Variants in CFAP100 observed in about 807,000 individuals in gnomAD.
CFAP100 encodes the protein cilia- and flagella-associated protein 100.
In CFAP100, 70 loss-of-function variants were observed where a neutral mutation model predicts 81.5. That is an observed-to-expected ratio of 0.86 (90% CI 0.71 to 1.05). The LOEUF is 1.05. Ranked by LOEUF, CFAP100 falls within the 50% of genes least tolerant of loss-of-function variation. The pLI is 0.00. For missense variants in CFAP100, 811 were observed against 776.5 expected (o/e 1.04, Z -0.53); for synonymous variants, 341 against 314.8 (o/e 1.08, Z -0.88).
intron 3 of CFAP100, among the ~76,000 whole-genome samples, chr3:126,408,271 G>T (rs1459942561): frequency 1.3e-5 from 2 of 152,054 alleles, no homozygotes; most frequent in Non-Finnish European, 2.9e-5. Context: ...CTCAACAATA[G>T]GGGTGTTTCC....
At chr3:126,403,664 T>C (rs1422477332) in intron 2 of CFAP100, among the ~76,000 whole-genome samples, 3 of 152,152 alleles carry the variant, frequency 2.0e-5, no homozygotes, top group Non-Finnish European at 2.9e-5. Flanking sequence ...ATTACAGGCG[T>C]AAACCACCGC....
chr3:126,423,793 C>T, intron 13 of CFAP100, 149 bp downstream of exon 13: 3 of 1,018,110 alleles, frequency 2.9e-6, no homozygotes, highest in South Asian at 1.6e-5. Flanking sequence ...AGCGAAGCTC[C>T]GTTTGTGGGC....
chr3:126,415,076 T>C (rs564502391), intron 4 of CFAP100, among the ~76,000 whole-genome samples: 9 of 152,178 alleles, frequency 5.9e-5, no homozygotes, highest in Non-Finnish European at 1.3e-4. Flanking sequence ...GACCCACGCC[T>C]TGGCCACCCT....
At chr3:126,395,427 A>G (rs2082873656) in intron 1 of CFAP100, 1 of 152,350 alleles carries the variant, frequency 6.6e-6, no homozygotes, top group Non-Finnish European at 1.5e-5. Flanking sequence ...AGAAGTGCCA[A>G]GGGTATGTCA....
chr3:126,419,788 A>G lies in CFAP100; in HGVS notation c.883A>G (p.Ser295Gly). The G allele has an allele frequency of 6.2e-7, 1 of 1,613,960 alleles. No homozygotes were observed. Among genetic ancestry groups the G allele is most frequent in the South Asian group, 1.1e-5 (1 of 91,082 alleles). ...GGAGGTCTCCGAGGCTTCCAAAGAG[A>G]GCAGTGTTAACTCCACACCAGGGGA... ...AKEVSEASKE[S>G]SVNSTPGDKG... The change falls in exon 9 of 17, where the codon AGC becomes GGC. Residue 295 changes from serine to glycine, a missense_variant. Ser to Gly is a moderately conservative substitution (Grantham distance 56). Transcript: ENST00000352312.
chr3:126,402,300 G>T (rs936977361), intron 2 of CFAP100, among the ~76,000 whole-genome samples: 5 of 152,206 alleles, frequency 3.3e-5, no homozygotes, highest in African/African-American at 1.2e-4. Flanking sequence ...GGAGATGACT[G>T]TCACTGGAGA....
chr3:126,402,918 G>A (rs1281383956), intron 2 of CFAP100, among the ~76,000 whole-genome samples: 1 of 152,064 alleles, frequency 6.6e-6, no homozygotes, highest in African/African-American at 2.4e-5. Flanking sequence ...GGCAGGGGCG[G>A]ATGGGTCCAG....
chr3:126,414,102 T>G lies in CFAP100; in HGVS notation c.148T>G (p.Ser50Ala). Residue 50 changes from serine to alanine, a missense_variant, in exon 4 of 17, where the codon TCA becomes GCA. Ser to Ala is a moderately conservative substitution (Grantham distance 99, BLOSUM62 1). Coordinates refer to ENST00000352312, the MANE Select transcript of CFAP100 (RefSeq NM_182628.3). ...CTTTCCAGAACATGGTCCTGACCCT[T>G]CAGCGAACCCTTTCCACTTATCTGG... is the stretch of plus-strand genomic sequence containing the variant. ...RKNEEHGPDP[S>A]ANPFHLSGDV... is the part of the protein sequence containing the mutation. 6.2e-7 allele frequency: 1 copy of G among 1,613,902 alleles called. No individual in the cohort carries two copies.
chr3:126,401,220 G>C (rs1421121316), intron 2 of CFAP100, among the ~76,000 whole-genome samples: 3 of 151,684 alleles, frequency 2.0e-5, no homozygotes, highest in Non-Finnish European at 4.4e-5. Context: ...CAGAGTTTCA[G>C]TTTGGGATGA....
chr3:126,416,476 A>C lies in CFAP100; in HGVS notation c.386A>C (p.Asp129Ala). Residue 129 changes from aspartate to alanine, a missense_variant, in exon 5 of 17, where the codon GAC becomes GCC. Coordinates refer to ENST00000352312, the MANE Select transcript of CFAP100 (RefSeq NM_182628.3). ...GCCGAGCATCAGCGCGCCTTCCGCG[A>C]CTACACGACCTGGAAGCTCACCTTG... Reference protein sequence around the residue: ...AEAEHQRAFRDYTTWKLTLTK... With the variant: ...AEAEHQRAFRAYTTWKLTLTK... The C allele has an allele frequency of 3.7e-6, 6 of 1,603,852 alleles. No individual in the cohort carries two copies. Among genetic ancestry groups the C allele is most frequent in the Non-Finnish European group, 5.1e-6 (6 of 1,175,320 alleles).
chr3:126,435,529 C>A, intron 15 of CFAP100, 30 bp from the exon 16 acceptor site: 1 of 1,590,020 alleles, frequency 6.3e-7, no homozygotes, highest in South Asian at 1.1e-5. Flanking sequence ...CAGGTCCCCC[C>A]AGTTTTCAAT....
At chr3:126,400,819 C>T (rs1262196835) in intron 2 of CFAP100, among the ~76,000 whole-genome samples, 1 of 152,088 alleles carries the variant, frequency 6.6e-6, no homozygotes, top group East Asian at 1.9e-4. Flanking sequence ...AACATATGAT[C>T]CAGCAATTCT....
At position 126,436,326 on chromosome 3, in the gene CFAP100, A is replaced by C. The variant is rs770200376; in HGVS notation, c.1758A>C (p.Pro586=). The change falls in exon 17 of 17, where the codon CCA becomes CCC. Residue 586 remains proline, a synonymous_variant. Coordinates refer to ENST00000352312, the MANE Select transcript of CFAP100 (RefSeq NM_182628.3). ...CACTGGTATGCCGCTCACGACCCCC[A>C]GCCCACAGGATCAAACAACAGTCTG... ...GRTLVCRSRP[P]AHRIKQQSEH... is the part of the protein sequence containing the mutation. 6 of 1,613,900 alleles carry C rather than the reference A, an allele frequency of 3.7e-6. No individual in the cohort carries two copies. Among genetic ancestry groups the C allele is most frequent in the South Asian group, 1.1e-5 (1 of 91,074 alleles).
chr3:126,431,284 G>A (rs900527831), intron 13 of CFAP100, among the ~76,000 whole-genome samples: 14 of 152,128 alleles, frequency 9.2e-5, no homozygotes, highest in African/African-American at 3.1e-4. Context: ...AGCTGCCCTC[G>A]AGGTGATCCA....
chr3:126,436,466 A>C lies in CFAP100; in HGVS notation c.*62A>C. On this transcript the variant is annotated 3_prime_UTR_variant, in exon 17 of 17. Coordinates refer to ENST00000352312, the MANE Select transcript of CFAP100 (RefSeq NM_182628.3). ...GCAAAGATGTTGGCAGAGGAAGCAGAGACTGGGCTGGGTCTCGAGTGGCCC... is the reference window on the plus strand; with the variant it reads ...GCAAAGATGTTGGCAGAGGAAGCAGCGACTGGGCTGGGTCTCGAGTGGCCC... 1.5e-6 allele frequency: 2 copies of C among 1,346,940 alleles called. No individual in the cohort carries two copies. The highest frequency in any genetic ancestry group is 2.1e-6 in the Non-Finnish European group (2 of 955,840). 83.4% of individuals were successfully genotyped at this position (1,346,940 alleles called of 1,614,324 possible). A position where few individuals can be genotyped will look rare whatever the true frequency, so the allele number is the denominator to read the frequency against.
At chr3:126,408,372 G>A (rs894660933) in intron 3 of CFAP100, among the ~76,000 whole-genome samples, 9 of 152,170 alleles carry the variant, frequency 5.9e-5, no homozygotes, top group African/African-American at 1.4e-4. Flanking sequence ...AACATTTTCC[G>A]TAGAAGATTC....
At position 126,423,316 on chromosome 3, in the gene CFAP100, T is replaced by A; in HGVS notation, c.1083-9T>A. 6.2e-7 allele frequency: 1 copy of A among 1,612,018 alleles called. No individual in the cohort carries two copies. Among genetic ancestry groups the A allele is most frequent in the Non-Finnish European group, 8.5e-7 (1 of 1,178,922 alleles). On this transcript the variant is annotated splice_polypyrimidine_tract_variant and intron_variant, in intron 11 of 16. Transcript: ENST00000352312. ...GTCCCAGAGTCCCGACCCTGCCATC[T>A]CTTCGCAGGTCGAACTCTCCCATCC...
chr3:126,400,573 G>A (rs2082959254), intron 2 of CFAP100, among the ~76,000 whole-genome samples: 1 of 152,094 alleles, frequency 6.6e-6, no homozygotes, highest in Non-Finnish European at 1.5e-5. Flanking sequence ...CTAACATGGT[G>A]AAACCCTGTC....
Position 126,417,693 on chromosome 3 carries a change from C to T in CFAP100, c.419-765C>T, listed in dbSNP as rs59081500. 3.1e-3 allele frequency among the ~76,000 whole-genome samples: 465 copies of T among 152,340 alleles called. 2 individuals are homozygous for T. Among genetic ancestry groups the T allele is most frequent in the African/African-American group, 0.011 (452 of 41,576 alleles). ...TCTCCTGCAGGGGTAGGGACATCTCCGTGGCTACCCAGGGAGGCCCAGCCA... is the reference window on the plus strand; with the variant it reads ...TCTCCTGCAGGGGTAGGGACATCTCTGTGGCTACCCAGGGAGGCCCAGCCA... On this transcript the variant is annotated intron_variant, in intron 5 of 16. Coordinates refer to ENST00000352312, the MANE Select transcript of CFAP100 (RefSeq NM_182628.3).
Sources: gnomAD v4.1 joint callset for allele counts (sites outside exome capture counted in the v4.1 genomes callset) on GRCh38, gnomAD v4.1.1 for gene constraint, MANE v1.5 for transcripts, NCBI Gene and HGNC (gene_info 2026-07-23, HGNC 2026-07-21) for gene names.